TMTC2: variants seen among roughly 807,000 people sequenced by gnomAD.
The protein encoded by TMTC2 is transmembrane O-mannosyltransferase targeting cadherins 2.
TMTC2 carries 43 observed loss-of-function variants against 82.4 expected under a neutral mutation model. The observed-to-expected ratio is 0.52, with a 90% CI of 0.41 to 0.67. The LOEUF is 0.67. Ranked by LOEUF, TMTC2 falls within the 30% of genes least tolerant of loss-of-function variation. The pLI, the probability that TMTC2 is intolerant of heterozygous loss-of-function variation, is 0.00. For synonymous variants in TMTC2, 408 were observed against 381.9 expected, an observed-to-expected ratio of 1.07 and a Z score of -0.80; for missense variants, 919 against 1,012.4, an observed-to-expected ratio of 0.91 and a Z score of 1.25.
chr12:82,691,431 G>A (rs1166955397), intron 1 of TMTC2, among the ~76,000 whole-genome samples: 2 of 151,840 alleles, frequency 1.3e-5, no homozygotes, highest in Non-Finnish European at 2.9e-5. Flanking sequence ...CTTTTCATTT[G>A]GGTATAAATG....
intron 8 of TMTC2, among the ~76,000 whole-genome samples, chr12:83,001,884 A>G (rs2137368895): frequency 6.6e-6 from 1 of 152,284 alleles, no homozygotes; most frequent in South Asian, 2.1e-4. Flanking sequence ...GATAGATCGT[A>G]GCTAGATTAA....
At chr12:82,941,991 C>T (rs1328827795) in intron 4 of TMTC2, among the ~76,000 whole-genome samples, 1 of 152,164 alleles carries the variant, frequency 6.6e-6, no homozygotes, top group Non-Finnish European at 1.5e-5. Context: ...AGTGATCCGC[C>T]TGCCTCAATC....
chr12:83,088,645 G>A (rs1448185420), intron 11 of TMTC2, among the ~76,000 whole-genome samples: 1 of 152,168 alleles, frequency 6.6e-6, no homozygotes, highest in Non-Finnish European at 1.5e-5. Flanking sequence ...AGCAGTCAGA[G>A]CACACACAAC....
intron 11 of TMTC2, among the ~76,000 whole-genome samples, chr12:83,102,881 A>G (rs1884267109): frequency 1.3e-5 from 2 of 152,196 alleles, no homozygotes. Flanking sequence ...AAACTATTCC[A>G]AAGCCAACTC....
At chr12:82,709,008 T>C (rs541860916) in intron 1 of TMTC2, among the ~76,000 whole-genome samples, 2 of 152,338 alleles carry the variant, frequency 1.3e-5, no homozygotes, top group South Asian at 2.1e-4. Context: ...AGACTCGTCT[T>C]CATGCTTTTT....
At chr12:82,982,318 G>T (rs1878954110) in intron 7 of TMTC2, among the ~76,000 whole-genome samples, 1 of 151,820 alleles carries the variant, frequency 6.6e-6, no homozygotes, top group Admixed American at 6.6e-5. Flanking sequence ...TTGGAAATGA[G>T]AAATGTAAAG....
chr12:83,119,627 A>T (rs1458281022), intron 11 of TMTC2, among the ~76,000 whole-genome samples: 1 of 152,100 alleles, frequency 6.6e-6, no homozygotes, highest in Non-Finnish European at 1.5e-5. Context: ...TGGTTGTTGG[A>T]TGGAATGTTC....
chr12:82,779,264 G>T (rs1448821360), intron 1 of TMTC2, among the ~76,000 whole-genome samples: 2 of 152,082 alleles, frequency 1.3e-5, no homozygotes, highest in African/African-American at 2.4e-5. Context: ...AAAAGTTGGT[G>T]AGGGCAGAGG....
intron 8 of TMTC2, among the ~76,000 whole-genome samples, chr12:83,015,989 A>G (rs569636611): frequency 6.6e-6 from 1 of 152,332 alleles, no homozygotes; most frequent in South Asian, 2.1e-4. Flanking sequence ...AAAGTGAATG[A>G]GTATTGCTTA....
chr12:83,055,917 G>A (rs149043674), intron 10 of TMTC2, among the ~76,000 whole-genome samples: 100 of 152,058 alleles, frequency 6.6e-4, no homozygotes, highest in African/African-American at 2.1e-3. Flanking sequence ...GAGACTCAAA[G>A]TCAATACTCT....
At chr12:82,724,833 T>C (rs1185347721) in intron 1 of TMTC2, among the ~76,000 whole-genome samples, 1 of 152,206 alleles carries the variant, frequency 6.6e-6, no homozygotes, top group African/African-American at 2.4e-5. Context: ...CAGTATACTT[T>C]TCCATAGAAA....
At chr12:83,085,975 GA>G (rs1374041796) in intron 11 of TMTC2, among the ~76,000 whole-genome samples, 2 of 152,092 alleles carry the variant, frequency 1.3e-5, no homozygotes, top group Non-Finnish European at 2.9e-5. Flanking sequence ...GTAATAAAGT[GA>G]TTCTCAACCT....
At chr12:82,922,913 A>G (rs1875478593) in intron 3 of TMTC2, among the ~76,000 whole-genome samples, 1 of 152,186 alleles carries the variant, frequency 6.6e-6, no homozygotes. Context: ...CATGATGGAC[A>G]TATTGTTCCT....
intron 9 of TMTC2, among the ~76,000 whole-genome samples, chr12:83,041,670 G>A (rs1204926186): frequency 6.6e-6 from 1 of 151,952 alleles, no homozygotes; most frequent in African/African-American, 2.4e-5. Context: ...CAGAGAAAGG[G>A]GATAATTGCA....
chr12:82,782,627 T>G (rs1404818245), intron 1 of TMTC2, among the ~76,000 whole-genome samples: 1 of 152,168 alleles, frequency 6.6e-6, no homozygotes, highest in African/African-American at 2.4e-5. Context: ...AAGGCACATT[T>G]TGAAACAGAA....
intron 9 of TMTC2, among the ~76,000 whole-genome samples, chr12:83,045,331 G>C (rs1055511658): frequency 2.6e-5 from 4 of 151,866 alleles, no homozygotes; most frequent in African/African-American, 9.7e-5. Flanking sequence ...TAATAAGCTT[G>C]GGTAAGACAA....
chr12:82,844,024 C>T (rs1463330815), intron 1 of TMTC2, among the ~76,000 whole-genome samples: 1 of 152,212 alleles, frequency 6.6e-6, no homozygotes, highest in Non-Finnish European at 1.5e-5. Context: ...ATAAGCTAAA[C>T]ATCTGGATAA....
intron 1 of TMTC2, among the ~76,000 whole-genome samples, chr12:82,720,626 A>T (rs1037977835): frequency 2.0e-5 from 3 of 152,192 alleles, no homozygotes; most frequent in Non-Finnish European, 4.4e-5. Context: ...AGATACGATC[A>T]TTATCTGTTT....
At chr12:82,971,810 C>CA (rs5799603) in intron 7 of TMTC2, among the ~76,000 whole-genome samples, 130,939 of 145,670 alleles carry the variant, frequency 0.9, 58,760 homozygotes, top group East Asian at 0.99. Flanking sequence ...CCTCTGTATG[C>CA]AAAAAAAAAA....
Sources: allele counts gnomAD v4.1 joint callset (sites outside exome capture counted in the v4.1 genomes callset), GRCh38; gene constraint gnomAD v4.1.1; transcripts MANE v1.5; gene names NCBI Gene and HGNC (gene_info 2026-07-23, HGNC 2026-07-21).